Variants in SLC39A11 observed in about 807,000 individuals in gnomAD.
SLC39A11 encodes solute carrier family 39 member 11.
Under a neutral mutation model 36.1 loss-of-function variants are expected in SLC39A11, and 33 were observed. The ratio of observed to expected loss-of-function variants is 0.91; its 90% CI spans 0.69 to 1.22. The LOEUF (loss-of-function observed/expected upper bound fraction) is 1.22, where lower values mean the gene tolerates loss of function less well. Ranked by LOEUF, SLC39A11 falls within the 50% of genes most tolerant of loss-of-function variation. The pLI, the probability that SLC39A11 is intolerant of heterozygous loss-of-function variation, is 0.00. For synonymous variants in SLC39A11, 166 were observed against 170.3 expected, an observed-to-expected ratio of 0.97 and a Z score of 0.20; for missense variants, 432 against 430.3, an observed-to-expected ratio of 1.00 and a Z score of -0.03.
intron 6 of SLC39A11, among the ~76,000 whole-genome samples, chr17:72,803,000 T>C (rs992633427): frequency 3.3e-5 from 5 of 152,214 alleles, no homozygotes; most frequent in Non-Finnish European, 4.4e-5. Context: ...CATGCAGCCT[T>C]GTGATTCTTG....
At chr17:73,009,894 C>A (rs941681971) in intron 4 of SLC39A11, among the ~76,000 whole-genome samples, 3 of 151,740 alleles carry the variant, frequency 2.0e-5, no homozygotes, top group Non-Finnish European at 4.4e-5. Flanking sequence ...CCACTCCCCC[C>A]ACCCCACGAC....
At chr17:72,915,821 G>T (rs1447004472) in intron 5 of SLC39A11, among the ~76,000 whole-genome samples, 1 of 152,178 alleles carries the variant, frequency 6.6e-6, no homozygotes, top group Non-Finnish European at 1.5e-5. Flanking sequence ...GAAGTGAAAT[G>T]TCCCCGAATC....
intron 4 of SLC39A11, among the ~76,000 whole-genome samples, chr17:72,949,760 G>T (rs778883769): frequency 6.6e-6 from 1 of 152,026 alleles, no homozygotes; most frequent in East Asian, 1.9e-4. Context: ...TCAGGCCACA[G>T]CACCAAGCAG....
intron 6 of SLC39A11, among the ~76,000 whole-genome samples, chr17:72,746,810 G>A (rs1472184585): frequency 6.6e-6 from 1 of 152,026 alleles, no homozygotes; most frequent in African/African-American, 2.4e-5. Flanking sequence ...TACTAGGGAG[G>A]ATGAGATGGG....
At chr17:72,979,621 C>T (rs1041757268) in intron 4 of SLC39A11, among the ~76,000 whole-genome samples, 4 of 152,068 alleles carry the variant, frequency 2.6e-5, no homozygotes, top group Non-Finnish European at 5.9e-5. Flanking sequence ...TGTGAAGCGC[C>T]ACAGAAAATC....
Position 73,062,475 on chromosome 17 carries a change from A to AAAAACAAAAAAAAAAAAC in SLC39A11, c.147+22332_147+22333insGTTTTTTTTTTTTGTTTT, listed in dbSNP as rs56021607. ...AGAGCTTGTCTCAAAAAAAAAAAAA[A>AAAAACAAAAAAAAAAAAC]AAACTTTAGGTGATACACTTCTGCT... is the stretch of plus-strand genomic sequence containing the variant. On this transcript the variant is annotated intron_variant, in intron 3 of 9. Coordinates refer to ENST00000255559, the MANE Select transcript of SLC39A11 (RefSeq NM_139177.4). Among the ~76,000 whole-genome samples, 3 of 87,034 alleles carry AAAAACAAAAAAAAAAAAC rather than the reference A, an allele frequency of 3.4e-5. 1 individual carries two copies. Among genetic ancestry groups the AAAAACAAAAAAAAAAAAC allele is most frequent in the African/African-American group, 1.4e-4 (3 of 21,886 alleles). The allele number at this position is 87,034 out of a possible 152,430, so 57.1% of individuals were successfully genotyped here.
intron 6 of SLC39A11, among the ~76,000 whole-genome samples, chr17:72,751,924 C>G (rs1370730953): frequency 6.6e-6 from 1 of 152,068 alleles, no homozygotes; most frequent in Non-Finnish European, 1.5e-5. Flanking sequence ...ACCCACTGAA[C>G]CCAGATCCCC....
At chr17:73,004,897 G>A (rs1170122803) in intron 4 of SLC39A11, among the ~76,000 whole-genome samples, 1 of 152,210 alleles carries the variant, frequency 6.6e-6, no homozygotes, top group Non-Finnish European at 1.5e-5. Context: ...CGAGAGGCAG[G>A]ACCAGCAGAC....
intron 6 of SLC39A11, among the ~76,000 whole-genome samples, chr17:72,745,692 C>T (rs1293899429): frequency 6.6e-6 from 1 of 152,232 alleles, no homozygotes; most frequent in African/African-American, 2.4e-5. Flanking sequence ...CATTTGTTCT[C>T]CAACTGGGCC....
chr17:72,861,747 T>G, intron 5 of SLC39A11, among the ~76,000 whole-genome samples: 1 of 12,080 alleles, frequency 8.3e-5, no homozygotes, highest in South Asian at 2.3e-3. Flanking sequence ...AGATTATATA[T>G]ATATATATAT....
At chr17:73,028,889 G>A (rs2058650247) in intron 4 of SLC39A11, among the ~76,000 whole-genome samples, 1 of 151,720 alleles carries the variant, frequency 6.6e-6, no homozygotes, top group Non-Finnish European at 1.5e-5. Flanking sequence ...AGGCTAAGGT[G>A]GGAGGATCAC....
intron 6 of SLC39A11, among the ~76,000 whole-genome samples, chr17:72,793,839 G>A (rs2076801079): frequency 6.6e-6 from 1 of 152,204 alleles, no homozygotes; most frequent in Admixed American, 6.5e-5. Flanking sequence ...CTAAGATTAA[G>A]GCTAGGGGAG....
At position 72,726,441 on chromosome 17, in the gene SLC39A11, G is replaced by T. The variant is rs28705194; in HGVS notation, c.671+10209C>A. Among the ~76,000 whole-genome samples, 86 of 152,220 alleles carry T rather than the reference G, an allele frequency of 5.6e-4. 1 individual carries two copies. In the East Asian group the frequency reaches 8.9e-3, roughly 16 times the overall value. Reference sequence around the variant, plus strand: ...AGGGAGGATTATTTGAGCCCAGGAGGTCAAGGCTGCAGCAAGCTATGATTG... The same window carrying T: ...AGGGAGGATTATTTGAGCCCAGGAGTTCAAGGCTGCAGCAAGCTATGATTG... On this transcript the variant is annotated intron_variant, in intron 7 of 9. Coordinates refer to ENST00000255559, the MANE Select transcript of SLC39A11 (RefSeq NM_139177.4).
chr17:73,082,461 TTTTA>T lies in SLC39A11; in HGVS notation c.147+2343_147+2346del, dbSNP rs141182079. Among the ~76,000 whole-genome samples the T allele has an allele frequency of 7.3e-3, 1,107 of 152,276 alleles. 16 individuals carry two copies. Among genetic ancestry groups the T allele is most frequent in the African/African-American group, 0.025 (1,034 of 41,546 alleles). ...ATAAGACAGAGTTCATCAATTTTAT[TTTTA>T]TTTGATTTTTTTCTTTTTTGTTTTG... On this transcript the variant is annotated intron_variant, in intron 3 of 9. Transcript: ENST00000255559.
chr17:73,074,112 A>G (rs1256699197), intron 3 of SLC39A11, among the ~76,000 whole-genome samples: 1 of 151,886 alleles, frequency 6.6e-6, no homozygotes, highest in East Asian at 1.9e-4. Flanking sequence ...GGATTTAATT[A>G]TTGAGAAATA....
intron 3 of SLC39A11, among the ~76,000 whole-genome samples, chr17:73,061,740 A>G (rs1241818261): frequency 6.6e-6 from 1 of 152,232 alleles, no homozygotes; most frequent in African/African-American, 2.4e-5. Context: ...CATGCCTACA[A>G]TCTCAGCACT....
intron 6 of SLC39A11, among the ~76,000 whole-genome samples, chr17:72,797,574 A>G (rs1442949109): frequency 6.6e-6 from 1 of 152,092 alleles, no homozygotes; most frequent in Non-Finnish European, 1.5e-5. Context: ...GAGGAGGGCG[A>G]ATTGACTGTG....
rs902867806 is a variant in SLC39A11 at position 72,889,553 on chromosome 17, C to A, written c.431-39749G>T. ...CTCCATCTCAAAAAAAAAAAAAATA[C>A]GTTAAATAACAAATACTGCTTTTAT... On this transcript the variant is annotated intron_variant, in intron 5 of 9. Coordinates refer to ENST00000255559, the MANE Select transcript of SLC39A11 (RefSeq NM_139177.4). Among the ~76,000 whole-genome samples the A allele has an allele frequency of 2.7e-5, 4 of 150,614 alleles. No individual in the cohort carries two copies. In the East Asian group the frequency reaches 5.9e-4, roughly 22 times the overall value.
At chr17:72,916,481 T>C (rs1025172452) in intron 5 of SLC39A11, among the ~76,000 whole-genome samples, 1 of 151,918 alleles carries the variant, frequency 6.6e-6, no homozygotes, top group Non-Finnish European at 1.5e-5. Flanking sequence ...CTCTTCTGAA[T>C]GGGAGGCAGC....
Sources: allele counts gnomAD v4.1 joint callset (sites outside exome capture counted in the v4.1 genomes callset), GRCh38; gene constraint gnomAD v4.1.1; transcripts MANE v1.5; gene names NCBI Gene and HGNC (gene_info 2026-07-23, HGNC 2026-07-21).